ABCA10: variants seen among roughly 807,000 people sequenced by gnomAD.
ABCA10 encodes ATP binding cassette subfamily A member 10.
Under a neutral mutation model 187.5 loss-of-function variants are expected in ABCA10, and 169 were observed. The ratio of observed to expected loss-of-function variants is 0.90; its 90% CI spans 0.80 to 1.02. The LOEUF (loss-of-function observed/expected upper bound fraction) is 1.02, where lower values mean the gene tolerates loss of function less well. Among genes scored for constraint, ABCA10 ranks in the 50% least tolerant of loss-of-function variants. ABCA10 has a pLI of 0.00. For synonymous variants in ABCA10, 574 were observed against 601.8 expected (o/e 0.95, Z 0.68); for missense variants, 1,727 against 1,812.4 (o/e 0.95, Z 0.86).
At chr17:69,193,775 A>G (rs1353455716) in intron 13 of ABCA10, 39 bp downstream of exon 13, 2 of 1,591,848 alleles carry the variant, frequency 1.3e-6, no homozygotes, top group Admixed American at 3.7e-5. Context: ...TCAAAAGTAA[A>G]TTATTTCCAA....
chr17:69,153,955 T>C lies in ABCA10; in HGVS notation c.3841A>G (p.Lys1281Glu). 1 of 1,613,980 alleles carries C rather than the reference T, an allele frequency of 6.2e-7. No homozygotes were observed. The highest frequency in any genetic ancestry group is 8.5e-7 in the Non-Finnish European group (1 of 1,179,896). Residue 1281 changes from lysine to glutamate, a missense_variant, in exon 32 of 39, where the codon AAG (lysine) becomes GAG (glutamate). Lys to Glu is a moderately conservative substitution (Grantham distance 56). Transcript: ENST00000690296. Reference protein sequence around the residue: ...SVRQQHDNSLKFLGYCPQENS... With the variant: ...SVRQQHDNSLEFLGYCPQENS... ...TCCTGAGGGCAGTACCCCAAGAACTTGAGGCTGTTGTCATGCTGTTGCCTT... is the reference window on the plus strand; with the variant it reads ...TCCTGAGGGCAGTACCCCAAGAACTCGAGGCTGTTGTCATGCTGTTGCCTT...
chr17:69,219,987 T>C (rs1440736279), intron 5 of ABCA10, among the ~76,000 whole-genome samples: 1 of 152,222 alleles, frequency 6.6e-6, no homozygotes, highest in Non-Finnish European at 1.5e-5. Context: ...ATGCATAATA[T>C]ACTGTGCTAC....
At chr17:69,167,520 T>C (rs1329542537) in intron 25 of ABCA10, among the ~76,000 whole-genome samples, 2 of 152,078 alleles carry the variant, frequency 1.3e-5, no homozygotes, top group East Asian at 1.9e-4. Context: ...AAAAAGAGAT[T>C]GTAGACAGGG....
chr17:69,215,020 G>A (rs2074693360), intron 8 of ABCA10, among the ~76,000 whole-genome samples, 169 bp from the exon 9 acceptor site: 1 of 152,074 alleles, frequency 6.6e-6, no homozygotes, highest in Non-Finnish European at 1.5e-5. Flanking sequence ...AAAAATGTAA[G>A]TATTCTCACA....
intron 9 of ABCA10, among the ~76,000 whole-genome samples, chr17:69,213,398 G>A (rs545692544): frequency 5.0e-4 from 74 of 147,568 alleles, no homozygotes; most frequent in Admixed American, 1.8e-3. Context: ...CACTGTGGGC[G>A]ACAGGTTTGC....
chr17:69,165,913 C>A (rs1189368367), intron 25 of ABCA10, among the ~76,000 whole-genome samples: 2 of 152,010 alleles, frequency 1.3e-5, no homozygotes, highest in Non-Finnish European at 2.9e-5. Flanking sequence ...CCACTGTAAA[C>A]TATAAACAAA....
intron 1 of ABCA10, chr17:69,234,178 C>G (rs1039242414): frequency 2.0e-5 from 3 of 152,418 alleles, no homozygotes; most frequent in Admixed American, 1.3e-4. Flanking sequence ...TGGCTTCCCT[C>G]AGGATCTATT....
At chr17:69,174,483 TA>T in intron 24 of ABCA10, 89 bp from the exon 25 acceptor site, 1 of 1,447,728 alleles carries the variant, frequency 6.9e-7, no homozygotes, top group Non-Finnish European at 9.4e-7. Flanking sequence ...TAAAGCTGCC[TA>T]AGGCAATTTT....
chr17:69,216,077 A>G (rs896996993), intron 7 of ABCA10, 77 bp from the exon 8 acceptor site: 2 of 1,557,890 alleles, frequency 1.3e-6, no homozygotes, highest in African/African-American at 1.4e-5. Flanking sequence ...GATTTCTCAC[A>G]TTGTCAAAAA....
intron 10 of ABCA10, among the ~76,000 whole-genome samples, chr17:69,199,743 G>A (rs1426805888): frequency 6.6e-6 from 1 of 152,142 alleles, no homozygotes; most frequent in Non-Finnish European, 1.5e-5. Flanking sequence ...CATGATCCTG[G>A]GCATTTATTG....
rs1486209700 is a variant in ABCA10 at position 69,174,661 on chromosome 17, A to G, written c.2994T>C (p.Ile998=). The G allele has an allele frequency of 1.2e-6, 2 of 1,611,888 alleles. No homozygotes were observed. Among genetic ancestry groups the G allele is most frequent in the South Asian group, 2.2e-5 (2 of 90,726 alleles). ...YFLILFSIHL[I]YYFIFLGFQL... ...GGAATCCCAGAAATATGAAGTAGTA[A>G]ATTAAATGTATTGAAAAGAGAATCA... is the stretch of plus-strand genomic sequence containing the variant. Residue 998 remains isoleucine (I), a synonymous_variant, in exon 24 of 39, where the codon ATT becomes ATC. Coordinates refer to ENST00000690296, the MANE Select transcript of ABCA10 (RefSeq NM_001377321.1).
At position 69,148,899 on chromosome 17, in the gene ABCA10, C is replaced by G. The variant is rs2074107711; in HGVS notation, c.4560G>C (p.Gln1520His). 1.9e-6 allele frequency: 3 copies of G among 1,613,610 alleles called. No individual in the cohort carries two copies. The highest frequency in any genetic ancestry group is 2.7e-5 in the African/African-American group (2 of 74,882). The stretch of plus-strand genomic sequence containing the variant: ...TTTTATCATCAACATTTCCCAGCTC[C>G]TGCTCTTTACAGAGTTCTAAGAATA... ...EQVFLELCKEQELGNVDDKID... is the reference protein window; with the variant it reads ...EQVFLELCKEHELGNVDDKID... The change falls in exon 39 of 39, where the codon CAG becomes CAC. Residue 1520 changes from glutamine (Q) to histidine (H), a missense_variant. Coordinates refer to ENST00000690296, the MANE Select transcript of ABCA10 (RefSeq NM_001377321.1).
At chr17:69,239,541 A>T (rs929224707) in intron 1 of ABCA10, among the ~76,000 whole-genome samples, 1 of 152,170 alleles carries the variant, frequency 6.6e-6, no homozygotes, top group African/African-American at 2.4e-5. Flanking sequence ...CCCTACAGAC[A>T]CTGCCTTATG....
intron 9 of ABCA10, among the ~76,000 whole-genome samples, chr17:69,210,847 C>CACATATATATATATATAT (rs1169352704): frequency 5.3e-5 from 2 of 37,896 alleles, no homozygotes; most frequent in African/African-American, 1.2e-4. Context: ...ATTTATGCCA[C>CACATATATATATATATAT]ATATATATAT....
chr17:69,196,896 CCAGGCACTCGG>C (rs757961328), intron 11 of ABCA10, among the ~76,000 whole-genome samples, 157 bp downstream of exon 11: 57 of 152,012 alleles, frequency 3.7e-4, no homozygotes, highest in South Asian at 1.9e-3. Context: ...GCCTGCAATC[CCAGGCACTCGG>C]CAGGCACTCG....
Position 69,201,669 on chromosome 17 carries a change from C to T in ABCA10, c.1007-1G>A. ...GGAGAATCCCCATGGCCATCTTTATCTAATTAATTAAGATACAATTACATA... is the reference window on the plus strand; with the variant it reads ...GGAGAATCCCCATGGCCATCTTTATTTAATTAATTAAGATACAATTACATA... On this transcript the variant is annotated splice_acceptor_variant, in intron 9 of 38. Transcript: ENST00000690296. LOFTEE classifies it high-confidence loss of function. 1 of 1,593,634 alleles carries T rather than the reference C, an allele frequency of 6.3e-7. No individual in the cohort carries two copies.
chr17:69,235,448 T>C (rs2144864386), intron 1 of ABCA10, among the ~76,000 whole-genome samples: 1 of 152,314 alleles, frequency 6.6e-6, no homozygotes, highest in South Asian at 2.1e-4. Context: ...TCTAACCTCT[T>C]GAACTCTATT....
At chr17:69,182,600 T>C (rs1034201738) in intron 21 of ABCA10, 75 bp downstream of exon 21, 14 of 1,399,342 alleles carry the variant, frequency 1.0e-5, no homozygotes, top group Admixed American at 7.9e-5. Context: ...AAGTTTCCTA[T>C]AGTTCTAAGT....
intron 25 of ABCA10, among the ~76,000 whole-genome samples, chr17:69,170,686 C>G (rs1410937956): frequency 6.6e-6 from 1 of 151,998 alleles, no homozygotes; most frequent in Admixed American, 6.6e-5. Context: ...GGGTCTTACC[C>G]ATACTGTACA....
Sources: allele counts gnomAD v4.1 joint callset (sites outside exome capture counted in the v4.1 genomes callset), GRCh38; gene constraint gnomAD v4.1.1; transcripts MANE v1.5; gene names NCBI Gene and HGNC (gene_info 2026-07-23, HGNC 2026-07-21).